TRPM5: variants seen among roughly 807,000 people sequenced by gnomAD.
The protein encoded by TRPM5 is transient receptor potential cation channel subfamily M member 5.
A neutral mutation model predicts 124.9 loss-of-function variants in TRPM5; 121 were observed. That is an observed-to-expected ratio of 0.97 (90% CI 0.84 to 1.13). TRPM5 has a LOEUF of 1.13. Among genes scored for constraint, TRPM5 ranks in the 50% most tolerant of loss-of-function variants. The pLI, the probability that TRPM5 is intolerant of heterozygous loss-of-function variation, is 0.00. For missense variants in TRPM5, 1,643 were observed against 1,589.1 expected (o/e 1.03, Z -0.58); for synonymous variants, 781 against 700.5 (o/e 1.11, Z -1.81).
At chr11:2,407,943 C>G (rs1565006633) in intron 18 of TRPM5, 31 bp from the exon 24 acceptor site, 1 of 1,606,166 alleles carries the variant, frequency 6.2e-7, no homozygotes, top group Non-Finnish European at 8.5e-7. Context: ...GGGGACCAGA[C>G]CGGGGGCAGC....
chr11:2,414,009 G>GGGGCGGCCCCCCCCCCCCCCCCCC, intron 12 of TRPM5, 52 bp downstream of exon 17: 1 of 1,023,734 alleles, frequency 9.8e-7, no homozygotes, highest in Non-Finnish European at 1.4e-6. Context: ...GGCCCAGCTC[G>GGGGCGGCCCCCCCCCCCCCCCCCC]CCCGCCCACC....
the TRPM5 span, among the ~76,000 whole-genome samples, chr11:2,429,234 G>A: frequency 6.6e-6 from 1 of 151,104 alleles, no homozygotes; most frequent in African/African-American, 2.4e-5. This position sits in a 1 kb window ranked among gnomAD's most constrained non-coding sequence, Gnocchi z 8.4. Context: ...TGGTGGTGGT[G>A]ACTATAGTCA....
chr11:2,417,071 G>A (rs896882646), intron 7 of TRPM5, among the ~76,000 whole-genome samples: 1 of 152,282 alleles, frequency 6.6e-6, no homozygotes, highest in African/African-American at 2.4e-5. Flanking sequence ...GGGAGTGAGT[G>A]CCAAGGGGTA....
chr11:2,416,023 G>T, exon 8 of TRPM5: 1 of 1,595,132 alleles, frequency 6.3e-7, no homozygotes. Flanking sequence ...GGCTCTTGCA[G>T]GCTGTGGGCA....
the TRPM5 span, among the ~76,000 whole-genome samples, chr11:2,437,656 C>T: frequency 6.6e-6 from 1 of 152,150 alleles, no homozygotes; most frequent in African/African-American, 2.4e-5. This position sits in a 1 kb window ranked among gnomAD's most constrained non-coding sequence, Gnocchi z 5.6. Flanking sequence ...CTCAGGGTCT[C>T]CTGCACAGGA....
chr11:2,418,272 C>T (rs1589873399), exon 6 of TRPM5: 13 of 1,581,952 alleles, frequency 8.2e-6, no homozygotes, highest in Non-Finnish European at 1.1e-5. Context: ...GGGGCTGGTT[C>T]ACTAGGGCAG....
intron 11 of TRPM5, 23 bp downstream of exon 16, chr11:2,414,692 G>C: frequency 6.6e-7 from 1 of 1,522,848 alleles, no homozygotes; most frequent in Non-Finnish European, 8.8e-7. Flanking sequence ...GCGCGGGCCC[G>C]GCCCCAGCCG....
At chr11:2,407,013 TGAG>T (rs1379910078) in intron 20 of TRPM5, 103 bp downstream of exon 25, 2 of 1,381,794 alleles carry the variant, frequency 1.4e-6, no homozygotes, top group Non-Finnish European at 9.5e-7. Context: ...CCCACAGGGC[TGAG>T]GAGGGGTCCA....
At chr11:2,407,351 G>A (rs533590172) in intron 19 of TRPM5, 51 bp from the exon 25 acceptor site, 2 of 1,546,002 alleles carry the variant, frequency 1.3e-6, no homozygotes, top group East Asian at 2.3e-5. Flanking sequence ...CGACCACTTG[G>A]GGGACGCATC....
At chr11:2,433,470 C>A in the TRPM5 span, among the ~76,000 whole-genome samples, 1 of 152,262 alleles carries the variant, frequency 6.6e-6, no homozygotes, top group African/African-American at 2.4e-5. Flanking sequence ...GGGTAGGGGG[C>A]TCCATGCACT....
intron 18 of TRPM5, among the ~76,000 whole-genome samples, chr11:2,408,235 G>C (rs1194365746): frequency 1.3e-5 from 2 of 152,242 alleles, no homozygotes; most frequent in Admixed American, 6.5e-5. Flanking sequence ...GATGGAAGGT[G>C]GGGGACAGAG....
At chr11:2,434,005 T>G in the TRPM5 span, among the ~76,000 whole-genome samples, 1 of 148,126 alleles carries the variant, frequency 6.8e-6, no homozygotes, top group Non-Finnish European at 1.5e-5. Context: ...GTGGATGCTG[T>G]GTGTGTGTAT....
exon 7 of TRPM5, chr11:2,417,803 G>C (rs138197888): frequency 1.9e-6 from 3 of 1,588,462 alleles, no homozygotes; most frequent in Admixed American, 1.8e-5. Context: ...CGGTGAGCAG[G>C]TGCTGGTGTG....
At chr11:2,433,435 G>A in the TRPM5 span, among the ~76,000 whole-genome samples, 1 of 152,262 alleles carries the variant, frequency 6.6e-6, no homozygotes, top group Non-Finnish European at 1.5e-5. Context: ...TGGAGAGGCC[G>A]AGCGCTGCCC....
At chr11:2,409,685 C>T (rs1850403622) in intron 18 of TRPM5, among the ~76,000 whole-genome samples, 1 of 152,164 alleles carries the variant, frequency 6.6e-6, no homozygotes, top group African/African-American at 2.4e-5. Context: ...TGGGGTTCAA[C>T]CTGAAGGGCC....
At chr11:2,410,229 G>C in intron 18 of TRPM5, among the ~76,000 whole-genome samples, 1 of 152,242 alleles carries the variant, frequency 6.6e-6, no homozygotes, top group Non-Finnish European at 1.5e-5. Flanking sequence ...GCCGCGCTGG[G>C]AGAGGCGGTT....
Position 2,415,235 on chromosome 11 carries a change from G to T in TRPM5, c.1365C>A (p.Pro455=), listed in dbSNP as rs200801959. The change falls in exon 9 of 24, where the codon CCC becomes CCA. Residue 455 remains proline (P), a synonymous_variant. Transcript: ENST00000155858. ...GCAGGGAGAAGGCCGGTGGCCCCGCGGGTGGCTCCCGGGCCTGCTGGGTGC... is the reference window on the plus strand; with the variant it reads ...GCAGGGAGAAGGCCGGTGGCCCCGCTGGTGGCTCCCGGGCCTGCTGGGTGC... The T allele has an allele frequency of 3.2e-6, 5 of 1,573,560 alleles. No homozygotes were observed. In the South Asian group the frequency reaches 5.7e-5, roughly 18 times the overall value.
chr11:2,414,656 G>C, intron 11 of TRPM5, 59 bp downstream of exon 16: 1 of 1,477,724 alleles, frequency 6.8e-7, no homozygotes, highest in Non-Finnish European at 8.9e-7. Flanking sequence ...CCCTTCGTCC[G>C]ACCCCTCCGT....
chr11:2,415,589 A>G (rs1845653657), intron 8 of TRPM5, 118 bp from the exon 14 acceptor site: 1 of 732,320 alleles, frequency 1.4e-6, no homozygotes, highest in East Asian at 2.7e-5. Context: ...GGGCCAGGTC[A>G]CGCAGACCCT....
Sources: allele counts gnomAD v4.1 joint callset (sites outside exome capture counted in the v4.1 genomes callset), GRCh38; gene constraint gnomAD v4.1.1; non-coding constraint Gnocchi (gnomAD v3.1); transcripts MANE v1.5; gene names NCBI Gene and HGNC (gene_info 2026-07-23, HGNC 2026-07-21).